The following THSD7A variants were observed in gnomAD, a reference collection of about 807,000 sequenced individuals.
THSD7A encodes the protein thrombospondin type-1 domain-containing protein 7A.
In THSD7A, 96 loss-of-function variants were observed where a neutral mutation model predicts 231.3. The observed-to-expected ratio is 0.41, with a 90% CI of 0.35 to 0.49. The LOEUF (loss-of-function observed/expected upper bound fraction) is 0.49. THSD7A is among the 20% of genes least tolerant of loss of function. The pLI is 0.05. For synonymous variants in THSD7A, 940 were observed against 743.3 expected (o/e 1.26, Z -4.30); for missense variants, 2,290 against 2,070.2 (o/e 1.11, Z -2.06).
At chr7:11,495,686 A>T (rs1001608813) in intron 6 of THSD7A, among the ~76,000 whole-genome samples, 3 of 152,154 alleles carry the variant, frequency 2.0e-5, no homozygotes, top group Non-Finnish European at 4.4e-5. Context: ...TTATGTGCAC[A>T]TATTAAAGAT....
chr7:11,411,990 GT>G lies in THSD7A; in HGVS notation c.3682+665del, dbSNP rs1783803168. 4.6e-5 allele frequency among the ~76,000 whole-genome samples: 7 copies of G among 152,118 alleles called. No homozygotes were observed. In the South Asian group the frequency reaches 1.5e-3, roughly 32 times the overall value. ...TATGACTGTTATGTGTCATTGTACA[GT>G]TTCTTGAGTTTGTTGCAGAGTGAAA... On this transcript the variant is annotated intron_variant, in intron 18 of 27. Transcript: ENST00000423059. This position sits in a 1 kb window ranked among gnomAD's most constrained non-coding sequence, Gnocchi z 4.1.
chr7:11,747,924 G>A (rs1320066168), intron 1 of THSD7A, among the ~76,000 whole-genome samples: 1 of 151,934 alleles, frequency 6.6e-6, no homozygotes, highest in Non-Finnish European at 1.5e-5. Context: ...CAGGGAAATG[G>A]AAACAATTTT....
chr7:11,539,682 T>C (rs1424639064), intron 6 of THSD7A, among the ~76,000 whole-genome samples: 1 of 152,228 alleles, frequency 6.6e-6, no homozygotes, highest in Non-Finnish European at 1.5e-5. Context: ...CACTGATATT[T>C]TTTAAATAGC....
intron 1 of THSD7A, among the ~76,000 whole-genome samples, chr7:11,789,463 G>A (rs1248048334): frequency 6.6e-6 from 1 of 151,936 alleles, no homozygotes; most frequent in Non-Finnish European, 1.5e-5. Flanking sequence ...AATGACACTC[G>A]TCCTCTTTTA....
intron 23 of THSD7A, among the ~76,000 whole-genome samples, chr7:11,399,273 T>G (rs1783308909): frequency 6.6e-6 from 1 of 152,230 alleles, no homozygotes; most frequent in Admixed American, 6.5e-5. Flanking sequence ...AAATATAACC[T>G]TCTAAATTAT....
At chr7:11,408,830 A>T (rs1471136298) in intron 19 of THSD7A, among the ~76,000 whole-genome samples, 1 of 152,202 alleles carries the variant, frequency 6.6e-6, no homozygotes, top group African/African-American at 2.4e-5. Context: ...AGTATTTGGT[A>T]TGAAAACTTT....
At chr7:11,379,005 T>A in intron 26 of THSD7A, 65 bp downstream of exon 26, 1 of 1,509,258 alleles carries the variant, frequency 6.6e-7, no homozygotes, top group South Asian at 1.2e-5. Context: ...CTCACTTTTT[T>A]AATCCTTTGG....
At chr7:11,739,746 C>A (rs554910564) in intron 1 of THSD7A, among the ~76,000 whole-genome samples, 4 of 151,884 alleles carry the variant, frequency 2.6e-5, no homozygotes, top group Non-Finnish European at 5.9e-5. Flanking sequence ...GCCTGGTCAA[C>A]TTCCTAACTG....
chr7:11,499,859 G>A (rs755621292), intron 6 of THSD7A, among the ~76,000 whole-genome samples: 9 of 152,196 alleles, frequency 5.9e-5, no homozygotes, highest in Admixed American at 3.9e-4. Flanking sequence ...ATTCCTGAAA[G>A]GGAGGGGGAG....
At chr7:11,458,749 G>A (rs1405338220) in intron 11 of THSD7A, among the ~76,000 whole-genome samples, 2 of 152,182 alleles carry the variant, frequency 1.3e-5, no homozygotes, top group East Asian at 1.9e-4. Flanking sequence ...GGCCACCCAG[G>A]ATGAAGAACG....
At chr7:11,773,302 G>A (rs2128172285) in intron 1 of THSD7A, among the ~76,000 whole-genome samples, 1 of 152,296 alleles carries the variant, frequency 6.6e-6, no homozygotes, top group South Asian at 2.1e-4. Flanking sequence ...GGGAGGCCGA[G>A]GCGGGCAGAT....
chr7:11,736,981 C>G (rs960386647), intron 1 of THSD7A, among the ~76,000 whole-genome samples: 1 of 151,990 alleles, frequency 6.6e-6, no homozygotes, highest in African/African-American at 2.4e-5. Flanking sequence ...TCTCTGGGCT[C>G]TCATTCTTCT....
chr7:11,607,162 C>A (rs951724780), intron 2 of THSD7A, among the ~76,000 whole-genome samples: 2 of 152,052 alleles, frequency 1.3e-5, no homozygotes, highest in African/African-American at 4.8e-5. Flanking sequence ...TAAAATTATA[C>A]TCAGATTTAG....
intron 1 of THSD7A, among the ~76,000 whole-genome samples, chr7:11,829,882 A>G (rs1229270810): frequency 6.6e-6 from 1 of 151,692 alleles, no homozygotes; most frequent in Non-Finnish European, 1.5e-5. Flanking sequence ...ACCAAGGATC[A>G]CCAGTCAAGA....
intron 1 of THSD7A, among the ~76,000 whole-genome samples, chr7:11,766,320 G>A (rs1021712839): frequency 7.2e-5 from 11 of 152,068 alleles, no homozygotes; most frequent in African/African-American, 2.7e-4. Context: ...ATATTAAATT[G>A]TCATCAGATC....
chr7:11,370,982 AACAATAAATCT>A lies in THSD7A; in HGVS notation c.*4801_*4811del, dbSNP rs2115266500. 1 of 152,272 alleles carries A rather than the reference AACAATAAATCT, an allele frequency of 6.6e-6. No individual in the cohort carries two copies. The highest frequency in any genetic ancestry group is 2.1e-4 in the South Asian group (1 of 4,824). The allele number at this position is 152,272 out of a possible 1,614,324, so 9.4% of individuals were successfully genotyped here. On this transcript the variant is annotated 3_prime_UTR_variant, in exon 28 of 28. Coordinates refer to ENST00000423059, the MANE Select transcript of THSD7A (RefSeq NM_015204.3). The stretch of plus-strand genomic sequence containing the variant: ...GGTAATCTAGAAACTATGGCTTAAA[AACAATAAATCT>A]ACAAAACACAACAAGACTGACAATT...
Position 11,692,406 on chromosome 7 carries a change from T to A in THSD7A, c.191-55445A>T, listed in dbSNP as rs569951226. 4.6e-5 allele frequency among the ~76,000 whole-genome samples: 7 copies of A among 151,686 alleles called. No individual in the cohort carries two copies. The South Asian group carries it at 1.5e-3, about 31-fold the overall frequency. ...AGAGCAATTCTCTATCATTTCCCAC[T>A]GAAAAATAGGACAGCTTTATTTCAG... On this transcript the variant is annotated intron_variant, in intron 1 of 27. Coordinates refer to ENST00000423059, the MANE Select transcript of THSD7A (RefSeq NM_015204.3).
chr7:11,613,317 C>A lies in THSD7A; in HGVS notation c.1023-19815G>T, dbSNP rs142118816. On this transcript the variant is annotated intron_variant, in intron 2 of 27. Coordinates refer to ENST00000423059, the MANE Select transcript of THSD7A (RefSeq NM_015204.3). ...AACATTTAAGTGTTTTGATTTGATCCACTTACAAAGTAAACTAATTGGCAG... is the reference window on the plus strand; with the variant it reads ...AACATTTAAGTGTTTTGATTTGATCAACTTACAAAGTAAACTAATTGGCAG... Among the ~76,000 whole-genome samples the A allele has an allele frequency of 1.5e-4, 23 of 152,250 alleles. No homozygotes were observed. The East Asian group carries it at 3.5e-3, about 23-fold the overall frequency.
intron 23 of THSD7A, among the ~76,000 whole-genome samples, chr7:11,383,046 G>A (rs1226362408): frequency 1.3e-5 from 2 of 151,276 alleles, no homozygotes; most frequent in Non-Finnish European, 3.0e-5. Context: ...ATTCTTTTCT[G>A]TTCTGATCAC....
Sources: gnomAD v4.1 joint callset for allele counts (sites outside exome capture counted in the v4.1 genomes callset) on GRCh38, gnomAD v4.1.1 for gene constraint, Gnocchi (gnomAD v3.1) non-coding constraint, MANE v1.5 for transcripts, NCBI Gene and HGNC (gene_info 2026-07-23, HGNC 2026-07-21) for gene names.